Variants in ELF4 observed in about 807,000 individuals in gnomAD.
The protein encoded by ELF4 is E74 like ETS transcription factor 4, also known as ETS-related transcription factor Elf-4.
A neutral mutation model predicts 31.7 loss-of-function variants in ELF4; 10 were observed. That is an observed-to-expected ratio of 0.32 (90% CI 0.19 to 0.54). The LOEUF is 0.54. Ranked by LOEUF, ELF4 falls within the 20% of genes least tolerant of loss-of-function variation. The probability of loss-of-function intolerance (pLI) is 0.95; values close to 1 mark genes in which losing one functional copy is unlikely to be tolerated. For missense variants in ELF4, 418 were observed against 522.0 expected, an observed-to-expected ratio of 0.80 and a Z score of 1.94; for synonymous variants, 208 against 226.7, an observed-to-expected ratio of 0.92 and a Z score of 0.74.
intron 2 of ELF4, among the ~76,000 whole-genome samples, chrX:130,080,801 G>C (rs1233429011): frequency 8.9e-6 from 1 of 112,019 alleles, no homozygotes; most frequent in Non-Finnish European, 1.9e-5. Flanking sequence ...AAAATGTCAG[G>C]GCCTGGACAC....
chrX:130,068,159 T>A (rs763510756), intron 8 of ELF4, among the ~76,000 whole-genome samples: 1 of 112,061 alleles, frequency 8.9e-6, no homozygotes, highest in Non-Finnish European at 1.9e-5. Flanking sequence ...AGGTCAGGGA[T>A]CATTCTAAAT....
intron 1 of ELF4, among the ~76,000 whole-genome samples, chrX:130,108,130 C>T (rs776692202): frequency 9.0e-6 from 1 of 110,674 alleles, no homozygotes; most frequent in South Asian, 3.8e-4. Flanking sequence ...ATCACTTGAA[C>T]CTGGGAGGCG....
chrX:130,094,254 C>T (rs1407444219), intron 1 of ELF4, among the ~76,000 whole-genome samples: 3 of 110,954 alleles, frequency 2.7e-5, no homozygotes, highest in Non-Finnish European at 5.7e-5. Context: ...CGTGGTGGTG[C>T]AAGCCTGTAG....
intron 1 of ELF4, among the ~76,000 whole-genome samples, chrX:130,086,246 G>A (rs1160218651): frequency 8.9e-6 from 1 of 112,145 alleles, no homozygotes; most frequent in Non-Finnish European, 1.9e-5. Flanking sequence ...TGTTGGTTGG[G>A]GTTTCTCTGT....
At position 130,092,234 on chromosome X, in the gene ELF4, C is replaced by T. The variant is rs549635301; in HGVS notation, c.-209-10695G>A. ...GAGATAGGGCCAGCTCTCACCGCAC[C>T]CCTGCTCTGCCAGCGGAAACAGCCC... On this transcript the variant is annotated intron_variant, in intron 1 of 8. Transcript: ENST00000308167. 6.2e-4 allele frequency among the ~76,000 whole-genome samples: 70 copies of T among 113,341 alleles called. 1 individual carries two copies. In the South Asian group the frequency reaches 0.025, roughly 40 times the overall value.
Position 130,063,965 on chromosome X carries a change from C to A in ELF4, c.*2756G>T, listed in dbSNP as rs1348449774. Among the ~76,000 whole-genome samples the A allele has an allele frequency of 1.2e-5, 1 of 81,256 alleles. No homozygotes were observed. Among genetic ancestry groups the A allele is most frequent in the Admixed American group, 1.5e-4 (1 of 6,704 alleles). The allele number at this position is 81,256 out of a possible 115,157, so 70.6% of individuals were successfully genotyped here. A position where few individuals can be genotyped will look rare whatever the true frequency, so the allele number is the denominator to read the frequency against. ...CAAGTCGTGACGGCCTTTTTGTTTG[C>A]TTGATTTTTATTATTATTATTATTA... On this transcript the variant is annotated 3_prime_UTR_variant, in exon 9 of 9. Coordinates refer to ENST00000308167, the MANE Select transcript of ELF4 (RefSeq NM_001421.4).
chrX:130,071,617 A>G (rs1180593552), intron 5 of ELF4, among the ~76,000 whole-genome samples, 198 bp from the exon 6 acceptor site: 2 of 112,548 alleles, frequency 1.8e-5, no homozygotes, highest in East Asian at 5.6e-4. Context: ...CAACATGGCT[A>G]CAATGTGGAG....
intron 1 of ELF4, among the ~76,000 whole-genome samples, chrX:130,083,369 C>G (rs1385474069): frequency 9.4e-6 from 1 of 106,469 alleles, no homozygotes; most frequent in Non-Finnish European, 1.9e-5. Flanking sequence ...CCTGCCCCCC[C>G]AGCCTAAGCG....
At chrX:130,107,157 A>G (rs191120227) in intron 1 of ELF4, among the ~76,000 whole-genome samples, 5 of 111,668 alleles carry the variant, frequency 4.5e-5, no homozygotes, top group Admixed American at 1.9e-4. Flanking sequence ...GGCACCTGTA[A>G]TCCTAGCTAT....
intron 1 of ELF4, among the ~76,000 whole-genome samples, chrX:130,092,626 C>T (rs890950407): frequency 8.9e-6 from 1 of 112,145 alleles, no homozygotes; most frequent in Admixed American, 9.5e-5. Context: ...TGGAGTGAGC[C>T]TGGCCTTAGA....
At chrX:130,101,452 A>G (rs898602959) in intron 1 of ELF4, among the ~76,000 whole-genome samples, 1 of 112,392 alleles carries the variant, frequency 8.9e-6, no homozygotes, top group African/African-American at 3.2e-5. Flanking sequence ...GATAAGCATC[A>G]TCTAAAATAA....
intron 1 of ELF4, among the ~76,000 whole-genome samples, chrX:130,101,833 A>G (rs1933265702): frequency 9.1e-6 from 1 of 109,572 alleles, no homozygotes; most frequent in South Asian, 3.8e-4. Context: ...AAACAAAACA[A>G]AACAAAACAA....
rs201427872 is a variant in ELF4, at chrX:130,072,191, C to T, written c.532+35G>A. The T allele has an allele frequency of 8.9e-5, 105 of 1,179,084 alleles. 1 individual carries two copies. The Admixed American group carries it at 2.1e-3, about 23-fold the overall frequency. The stretch of plus-strand genomic sequence containing the variant: ...CCCCCCCACGCCCCGCCCATCCCCT[C>T]GGAGACACACATACACTCACTCTCC... On this transcript the variant is annotated intron_variant, in intron 5 of 8. Transcript: ENST00000308167.
chrX:130,105,015 AG>A (rs143432647), intron 1 of ELF4, among the ~76,000 whole-genome samples: 51,136 of 104,779 alleles, frequency 0.49, 9,758 homozygotes, highest in African/African-American at 0.68. Context: ...CAAAAAAAAA[AG>A]AAAATTAGCT....
intron 8 of ELF4, 93 bp downstream of exon 8, chrX:130,069,207 G>A (rs1367804975): frequency 2.2e-5 from 25 of 1,115,299 alleles, no homozygotes; most frequent in Admixed American, 4.7e-5. Flanking sequence ...CTGGGTGACA[G>A]AGCGAGACTC....
At chrX:130,087,651 A>G (rs923347817) in intron 1 of ELF4, among the ~76,000 whole-genome samples, 1 of 110,412 alleles carries the variant, frequency 9.1e-6, no homozygotes, top group Non-Finnish European at 1.9e-5. Context: ...TATTTTTAAT[A>G]GAGATGGGGT....
rs1199819694 is a variant in ELF4, at chrX:130,066,325, A to G, written c.*396T>C. ...GACCAACAAGTACACACAAGTACAT[A>G]CAGGGATATTCACATATAGGGTAGT... On this transcript the variant is annotated 3_prime_UTR_variant, in exon 9 of 9. Transcript: ENST00000308167. 3 of 234,604 alleles carry G rather than the reference A, an allele frequency of 1.3e-5. No individual in the cohort carries two copies. In the East Asian group the frequency reaches 2.0e-4, roughly 16 times the overall value. The allele number at this position is 234,604 out of a possible 1,213,427, so 19.3% of individuals were successfully genotyped here. A position where few individuals can be genotyped will look rare whatever the true frequency, so the allele number is the denominator to read the frequency against.
Position 130,063,972 on chromosome X carries a change from T to TTTATTATTA in ELF4, c.*2740_*2748dup, listed in dbSNP as rs201836552. On this transcript the variant is annotated 3_prime_UTR_variant, in exon 9 of 9. Transcript: ENST00000308167. ...TGACGGCCTTTTTGTTTGCTTGATT[T>TTTATTATTA]TTATTATTATTATTATTATTATTAT... Among the ~76,000 whole-genome samples, 204 of 93,312 alleles carry TTTATTATTA rather than the reference T, an allele frequency of 2.2e-3. No individual in the cohort carries two copies. The highest frequency in any genetic ancestry group is 5.2e-3 in the Middle Eastern group (1 of 193). The allele number at this position is 93,312 out of a possible 115,157, so 81.0% of individuals were successfully genotyped here.
intron 1 of ELF4, among the ~76,000 whole-genome samples, chrX:130,097,450 AAAG>A (rs1278889304): frequency 9.0e-6 from 1 of 111,263 alleles, no homozygotes; most frequent in African/African-American, 3.3e-5. Context: ...AAAGAAAAGA[AAAG>A]AAAAAGAAAA....
Sources: gnomAD v4.1 joint callset for allele counts (sites outside exome capture counted in the v4.1 genomes callset) on GRCh38, gnomAD v4.1.1 for gene constraint, MANE v1.5 for transcripts, NCBI Gene and HGNC (gene_info 2026-07-23, HGNC 2026-07-21) for gene names.